SPATA6: variants seen among roughly 807,000 people sequenced by gnomAD.
SPATA6 encodes the protein spermatogenesis associated 6, also known as spermatogenesis-associated protein 6.
In SPATA6, 56 loss-of-function variants were observed where a neutral mutation model predicts 65.3. The ratio of observed to expected loss-of-function variants is 0.86; its 90% CI spans 0.69 to 1.07. The LOEUF is 1.07. Ranked by LOEUF, SPATA6 falls within the 50% of genes least tolerant of loss-of-function variation. SPATA6 has a pLI of 0.00. For synonymous variants in SPATA6, 199 were observed against 213.2 expected (o/e 0.93, Z 0.58); for missense variants, 590 against 594.8 (o/e 0.99, Z 0.08).
At chr1:48,458,098 TAAGA>T (rs1227221030) in intron 1 of SPATA6, among the ~76,000 whole-genome samples, 6 of 143,392 alleles carry the variant, frequency 4.2e-5, no homozygotes, top group Admixed American at 7.1e-5. Context: ...AGACAAGCAC[TAAGA>T]AAGTAACTTT....
At chr1:48,354,422 G>C (rs1223360994) in intron 11 of SPATA6, among the ~76,000 whole-genome samples, 1 of 152,018 alleles carries the variant, frequency 6.6e-6, no homozygotes, top group Non-Finnish European at 1.5e-5. Context: ...GTCACCCAAG[G>C]ACATGTGCAT....
chr1:48,337,304 A>G (rs868374089), intron 11 of SPATA6, among the ~76,000 whole-genome samples: 1 of 151,902 alleles, frequency 6.6e-6, no homozygotes, highest in African/African-American at 2.4e-5. Flanking sequence ...CTCAGTAGAT[A>G]CAATGGAATA....
chr1:48,293,480 T>C (rs1041808243), downstream of SPATA6, among the ~76,000 whole-genome samples: 1 of 152,176 alleles, frequency 6.6e-6, no homozygotes, highest in Non-Finnish European at 1.5e-5. Context: ...GTCTATCAGA[T>C]TGTTGTTTGT....
At chr1:48,416,908 T>TA (rs1271676644) in intron 3 of SPATA6, among the ~76,000 whole-genome samples, 24 of 152,290 alleles carry the variant, frequency 1.6e-4, no homozygotes, top group Admixed American at 2.0e-4. Flanking sequence ...TTTATGCTTT[T>TA]AAAAAATCTC....
At chr1:48,387,597 AC>A (rs1246013196) in intron 8 of SPATA6, among the ~76,000 whole-genome samples, 2 of 152,092 alleles carry the variant, frequency 1.3e-5, no homozygotes, top group East Asian at 3.9e-4. Flanking sequence ...GCCCCTGCCT[AC>A]CACAGCCAGC....
intron 11 of SPATA6, among the ~76,000 whole-genome samples, chr1:48,321,440 A>G (rs569836819): frequency 6.6e-6 from 1 of 152,172 alleles, no homozygotes; most frequent in African/African-American, 2.4e-5. Flanking sequence ...AGTTCACTAT[A>G]TAATGATAAA....
the SPATA6 span, among the ~76,000 whole-genome samples, chr1:48,277,623 G>C: frequency 6.6e-6 from 1 of 152,238 alleles, no homozygotes; most frequent in Non-Finnish European, 1.5e-5. Flanking sequence ...AGCCAGGCTG[G>C]GGGAGGGGCA....
chr1:48,450,494 T>C (rs1656465308), intron 3 of SPATA6, among the ~76,000 whole-genome samples: 1 of 152,164 alleles, frequency 6.6e-6, no homozygotes, highest in Non-Finnish European at 1.5e-5. Context: ...GAGAAATGTG[T>C]ATCTTCATTT....
chr1:48,457,129 A>C (rs1314338482), intron 1 of SPATA6, among the ~76,000 whole-genome samples: 2 of 152,068 alleles, frequency 1.3e-5, no homozygotes, highest in East Asian at 3.9e-4. Flanking sequence ...CACCTAATAA[A>C]CTTTCAACAG....
At chr1:48,356,413 AT>A in intron 10 of SPATA6, among the ~76,000 whole-genome samples, 1 of 151,844 alleles carries the variant, frequency 6.6e-6, no homozygotes, top group Non-Finnish European at 1.5e-5. Context: ...TCTAATTATA[AT>A]ATATAGTGTT....
intron 9 of SPATA6, among the ~76,000 whole-genome samples, chr1:48,376,943 A>G (rs1012582180): frequency 6.6e-6 from 1 of 152,126 alleles, no homozygotes; most frequent in East Asian, 1.9e-4. Flanking sequence ...ATCTTACAAA[A>G]CGACTGCCAT....
intron 1 of SPATA6, among the ~76,000 whole-genome samples, chr1:48,455,530 G>A (rs568473833): frequency 3.3e-5 from 5 of 151,892 alleles, no homozygotes; most frequent in African/African-American, 7.2e-5. Context: ...ACAGGCACCC[G>A]CCACCACACC....
chr1:48,278,936 G>A, the SPATA6 span, among the ~76,000 whole-genome samples: 3 of 152,190 alleles, frequency 2.0e-5, no homozygotes, highest in Non-Finnish European at 4.4e-5. Flanking sequence ...AGAGAGAAAG[G>A]TCAGGTTACC....
At chr1:48,379,511 C>T (rs1229724417) in intron 9 of SPATA6, among the ~76,000 whole-genome samples, 3 of 152,138 alleles carry the variant, frequency 2.0e-5, no homozygotes, top group East Asian at 1.9e-4. Context: ...TCAAAGGGTA[C>T]AAAGTTTCAA....
chr1:48,366,632 G>A (rs1168270030), intron 9 of SPATA6, among the ~76,000 whole-genome samples: 13 of 152,080 alleles, frequency 8.5e-5, no homozygotes, highest in South Asian at 8.3e-4. Flanking sequence ...CTGTGTGATC[G>A]GTGGTGATAT....
chr1:48,436,948 G>A, intron 3 of SPATA6: 3 of 1,613,194 alleles, frequency 1.9e-6, no homozygotes, highest in South Asian at 1.1e-5. Context: ...AGTAAATAGT[G>A]ACCGATTACA....
chr1:48,342,486 C>T lies in SPATA6; in HGVS notation c.1194+13184G>A, dbSNP rs184596311. On this transcript the variant is annotated intron_variant, in intron 11 of 12. Coordinates refer to ENST00000371847, the MANE Select transcript of SPATA6 (RefSeq NM_019073.4). Reference sequence around the variant, plus strand: ...AAATAATTAGTCGGACGTGGTGGCCCGCCCCTGTAGTCCCAGCTACTGGGG... The same window carrying T: ...AAATAATTAGTCGGACGTGGTGGCCTGCCCCTGTAGTCCCAGCTACTGGGG... 3.4e-4 allele frequency among the ~76,000 whole-genome samples: 51 copies of T among 151,848 alleles called. No homozygotes were observed. The East Asian group carries it at 8.9e-3, about 27-fold the overall frequency.
chr1:48,327,395 T>C (rs1305283354), intron 11 of SPATA6, among the ~76,000 whole-genome samples: 2 of 152,148 alleles, frequency 1.3e-5, no homozygotes, highest in African/African-American at 4.8e-5. Context: ...CACACTGTTC[T>C]TGGAAATGAA....
intron 7 of SPATA6, among the ~76,000 whole-genome samples, chr1:48,396,451 T>C (rs189040723): frequency 6.6e-6 from 1 of 151,830 alleles, no homozygotes; most frequent in East Asian, 1.9e-4. Context: ...AGCAGCGTTA[T>C]TCACACTGTA....
Sources: allele counts gnomAD v4.1 joint callset (sites outside exome capture counted in the v4.1 genomes callset), GRCh38; gene constraint gnomAD v4.1.1; transcripts MANE v1.5; gene names NCBI Gene and HGNC (gene_info 2026-07-23, HGNC 2026-07-21).